Variants in BTBD3 observed in about 807,000 individuals in gnomAD.
BTBD3 encodes BTB/POZ domain-containing protein 3.
A neutral mutation model predicts 41.6 loss-of-function variants in BTBD3; 14 were observed. That is an observed-to-expected ratio of 0.34 (90% confidence interval 0.22 to 0.53). BTBD3 has a LOEUF of 0.53. BTBD3 is among the 20% of genes least tolerant of loss of function. BTBD3 has a pLI of 0.95. For missense variants in BTBD3, 426 were observed against 654.7 expected, an observed-to-expected ratio of 0.65 and a Z score of 3.81; for synonymous variants, 249 against 233.7, an observed-to-expected ratio of 1.07 and a Z score of -0.60.
intron 1 of BTBD3, among the ~76,000 whole-genome samples, chr20:11,891,785 G>T (rs1187728237): frequency 6.6e-6 from 1 of 152,136 alleles, no homozygotes; most frequent in Non-Finnish European, 1.5e-5. Context: ...TGGTGAAAGC[G>T]AGCTAATTCT....
upstream of BTBD3, chr20:11,913,556 G>C (rs1218936152): frequency 6.6e-6 from 1 of 152,154 alleles, no homozygotes; most frequent in African/African-American, 2.4e-5. Context: ...GTGAATATTA[G>C]AGTGAATGAA....
chr20:11,918,204 G>A lies in BTBD3; in HGVS notation c.-72G>A, dbSNP rs1028338617. 20 of 1,501,714 alleles carry A rather than the reference G, an allele frequency of 1.3e-5. No individual in the cohort carries two copies. The highest frequency in any genetic ancestry group is 5.5e-5 in the South Asian group (4 of 72,078). 93.0% of individuals were successfully genotyped at this position (1,501,714 alleles called of 1,614,324 possible). On this transcript the variant is annotated 5_prime_UTR_variant, in exon 1 of 4. Coordinates refer to ENST00000378226, the MANE Select transcript of BTBD3 (RefSeq NM_014962.4). Reference sequence around the variant, plus strand: ...TTGGTTTCAGTTAACCTCTTAGCCCGGGCTAATCTCTTTTCCTTGATGTTC... The same window carrying A: ...TTGGTTTCAGTTAACCTCTTAGCCCAGGCTAATCTCTTTTCCTTGATGTTC...
At chr20:11,890,910 G>A (rs1373349448) in exon 1 of BTBD3, 2 of 984,778 alleles carry the variant, frequency 2.0e-6, no homozygotes, top group Non-Finnish European at 2.4e-6. Flanking sequence ...CACAGGGCAA[G>A]GCGGCGGACG....
At chr20:11,898,775 A>G (rs1369974306) in intron 1 of BTBD3, among the ~76,000 whole-genome samples, 2 of 152,206 alleles carry the variant, frequency 1.3e-5, no homozygotes, top group African/African-American at 4.8e-5. Context: ...GTTCAAGAAC[A>G]TTTATAGTTT....
rs2122366055 is a variant in BTBD3 at position 11,926,540 on chromosome 20, G to T, written c.*2874G>T. The T allele has an allele frequency of 6.5e-6, 1 of 152,750 alleles. No individual in the cohort carries two copies. Among genetic ancestry groups the T allele is most frequent in the East Asian group, 1.9e-4 (1 of 5,188 alleles). 9.5% of individuals were successfully genotyped at this position (152,750 alleles called of 1,614,324 possible). ...TTTTTAATGTAACAGTGCAGATCTT[G>T]TTAGACACATGAATGTGTATAATCA... On this transcript the variant is annotated 3_prime_UTR_variant, in exon 4 of 4. Coordinates refer to ENST00000378226, the MANE Select transcript of BTBD3 (RefSeq NM_014962.4).
rs947216905 is a variant in BTBD3 at position 11,925,899 on chromosome 20, A to G, written c.*2233A>G. On this transcript the variant is annotated 3_prime_UTR_variant, in exon 4 of 4. Transcript: ENST00000378226. ...TCGTGTGAAATCCTGTACACTGTGT[A>G]TAGAATAATGTAATTTTATGTTAAT... is the stretch of plus-strand genomic sequence containing the variant. 1 of 152,500 alleles carries G rather than the reference A, an allele frequency of 6.6e-6. No individual in the cohort carries two copies. Among genetic ancestry groups the G allele is most frequent in the Non-Finnish European group, 1.5e-5 (1 of 68,030 alleles). The allele number at this position is 152,500 out of a possible 1,614,324, so 9.4% of individuals were successfully genotyped here. A position where few individuals can be genotyped will look rare whatever the true frequency, so the allele number is the denominator to read the frequency against.
chr20:11,897,443 A>C (rs1384712365), intron 1 of BTBD3, among the ~76,000 whole-genome samples: 1 of 143,836 alleles, frequency 7.0e-6, no homozygotes, highest in Non-Finnish European at 1.5e-5. Flanking sequence ...TTTTGCACCA[A>C]CCTAGTGGGT....
intron 1 of BTBD3, among the ~76,000 whole-genome samples, chr20:11,911,035 A>C (rs4814039): frequency 0.73 from 110,693 of 152,096 alleles, 40,751 homozygotes; most frequent in Non-Finnish European, 0.78. Context: ...GCAACCTAAA[A>C]AAAAGATTTC....
Position 11,923,540 on chromosome 20 carries a change from T to C in BTBD3, c.1443T>C (p.Phe481=). The C allele has an allele frequency of 1.2e-6, 2 of 1,614,206 alleles. No individual in the cohort carries two copies. The highest frequency in any genetic ancestry group is 1.7e-6 in the Non-Finnish European group (2 of 1,180,046). ...TGGATGGCAATGAACTCAGCTACTTTGGACAAGAAGGCATGACAGAAGTTC... is the reference window on the plus strand; with the variant it reads ...TGGATGGCAATGAACTCAGCTACTTCGGACAAGAAGGCATGACAGAAGTTC... ...VILDGNELSY[F]GQEGMTEVQC... is the part of the protein sequence containing the mutation. Residue 481 remains phenylalanine, a synonymous_variant, in exon 4 of 4, where the codon TTT becomes TTC. Coordinates refer to ENST00000378226, the MANE Select transcript of BTBD3 (RefSeq NM_014962.4). This position sits in a 1 kb window ranked among gnomAD's most constrained non-coding sequence, Gnocchi z 5.3.
intron 1 of BTBD3, among the ~76,000 whole-genome samples, chr20:11,909,002 C>G (rs148765175): frequency 1.2e-3 from 184 of 152,140 alleles, no homozygotes; most frequent in African/African-American, 3.5e-3. Context: ...AATTCCAGTA[C>G]TTTGGGAGGC....
intron 3 of BTBD3, among the ~76,000 whole-genome samples, chr20:11,921,058 A>G (rs2056966358): frequency 6.6e-6 from 1 of 152,258 alleles, no homozygotes; most frequent in African/African-American, 2.4e-5. Context: ...ATATATGTAC[A>G]GAAACCAGTT....
In BTBD3 at chr20:11,923,204, C is replaced by T; in HGVS notation, c.1107C>T (p.Gly369=). 9 of 1,614,236 alleles carry T rather than the reference C, an allele frequency of 5.6e-6. No individual in the cohort carries two copies. In the South Asian group the frequency reaches 8.8e-5, roughly 16 times the overall value. Residue 369 remains glycine, a synonymous_variant, in exon 4 of 4, where the codon GGC becomes GGT. Transcript: ENST00000378226. This position sits in a 1 kb window ranked among gnomAD's most constrained non-coding sequence, Gnocchi z 5.3. ...AGTTTGTGAGTAAAGCCCGTAAGGG[C>T]CTTGTCCCCCAGCGCTGTCACCGTT... The part of the protein sequence containing the change: ...ELQFVSKARK[G]LVPQRCHRFQ...
chr20:11,920,361 A>G (rs1317775424), intron 3 of BTBD3, among the ~76,000 whole-genome samples: 1 of 152,230 alleles, frequency 6.6e-6, no homozygotes. Flanking sequence ...ATATAAAATC[A>G]GACACTCTCA....
At chr20:11,901,733 A>G (rs1286740752) in intron 1 of BTBD3, among the ~76,000 whole-genome samples, 1 of 152,162 alleles carries the variant, frequency 6.6e-6, no homozygotes, top group African/African-American at 2.4e-5. Flanking sequence ...CAAAATCATC[A>G]CCAGGCAGTG....
intron 1 of BTBD3, among the ~76,000 whole-genome samples, chr20:11,900,002 A>G (rs1438782208): frequency 6.6e-6 from 1 of 152,226 alleles, no homozygotes; most frequent in Non-Finnish European, 1.5e-5. Flanking sequence ...AATTCAAAAT[A>G]TACCTAGCTC....
In BTBD3 at chr20:11,918,024, A is replaced by T; in HGVS notation, c.-252A>T. 8.2e-7 allele frequency: 1 copy of T among 1,225,546 alleles called. No individual in the cohort carries two copies. Among genetic ancestry groups the T allele is most frequent in the East Asian group, 3.6e-5 (1 of 27,892 alleles). The allele number at this position is 1,225,546 out of a possible 1,614,324, so 75.9% of individuals were successfully genotyped here. Reference sequence around the variant, plus strand: ...GTAGCATTTTCAGGTGATCTAGGAAACAGTTATTTTTATGAGCAAATAAGA... The same window carrying T: ...GTAGCATTTTCAGGTGATCTAGGAATCAGTTATTTTTATGAGCAAATAAGA... On this transcript the variant is annotated 5_prime_UTR_variant, in exon 1 of 4. Transcript: ENST00000378226.
upstream of BTBD3, among the ~76,000 whole-genome samples, chr20:11,913,096 T>G (rs2056898946): frequency 6.6e-6 from 1 of 152,228 alleles, no homozygotes; most frequent in Non-Finnish European, 1.5e-5. Flanking sequence ...GTTAATCATT[T>G]TTGGAAGTGA....
At chr20:11,911,878 C>A (rs999790056) in intron 1 of BTBD3, among the ~76,000 whole-genome samples, 4 of 151,970 alleles carry the variant, frequency 2.6e-5, no homozygotes, top group Non-Finnish European at 5.9e-5. Context: ...TTTAGTATTC[C>A]AAACAAGGTG....
chr20:11,918,796 A>G (rs932845494), intron 1 of BTBD3, 195 bp downstream of exon 1: 16 of 635,336 alleles, frequency 2.5e-5, no homozygotes, highest in Non-Finnish European at 4.1e-5. Flanking sequence ...ATGTTTTTGC[A>G]AGCTGTAACA....
Sources: gnomAD v4.1 joint callset for allele counts (sites outside exome capture counted in the v4.1 genomes callset) on GRCh38, gnomAD v4.1.1 for gene constraint, Gnocchi (gnomAD v3.1) non-coding constraint, MANE v1.5 for transcripts, NCBI Gene and HGNC (gene_info 2026-07-23, HGNC 2026-07-21) for gene names.